Variants in WDR11 observed in about 807,000 individuals in gnomAD.
The protein encoded by WDR11 is WD repeat-containing protein 11.
A neutral mutation model predicts 151.2 loss-of-function variants in WDR11; 83 were observed. The ratio of observed to expected loss-of-function variants is 0.55; its 90% confidence interval spans 0.46 to 0.66. WDR11 has a LOEUF of 0.66. Among genes scored for constraint, WDR11 ranks in the 30% least tolerant of loss-of-function variants. The probability of loss-of-function intolerance (pLI) is 0.00; values close to 1 mark genes in which losing one functional copy is unlikely to be tolerated. For synonymous variants in WDR11, 484 were observed against 533.1 expected, an observed-to-expected ratio of 0.91 and a Z score of 1.27; for missense variants, 1,301 against 1,480.9, an observed-to-expected ratio of 0.88 and a Z score of 1.99.
At chr10:120,905,095 CTCTCCCTACTTAT>C (rs1470517876) in intron 25 of WDR11, among the ~76,000 whole-genome samples, 3 of 152,166 alleles carry the variant, frequency 2.0e-5, no homozygotes, top group Non-Finnish European at 4.4e-5. Flanking sequence ...GAGAACTATG[CTCTCCCTACTTAT>C]TCTCCAGACT....
At position 120,871,126 on chromosome 10, in the gene WDR11, C is replaced by G. The variant is rs560493196; in HGVS notation, c.1295-44C>G. 3.8e-6 allele frequency: 6 copies of G among 1,594,918 alleles called. No homozygotes were observed. In the African/African-American group the frequency reaches 8.1e-5, roughly 21 times the overall value. On this transcript the variant is annotated intron_variant, in intron 9 of 28. Coordinates refer to ENST00000263461, the MANE Select transcript of WDR11 (RefSeq NM_018117.12). ...ATTTTCTTTAGCTTTTTAAGATCAG[C>G]ATACACTGTAGTTAATATATTTGTT... is the stretch of plus-strand genomic sequence containing the variant.
intron 27 of WDR11, 172 bp downstream of exon 27, chr10:120,906,193 T>G: frequency 6.6e-7 from 1 of 1,506,046 alleles, no homozygotes; most frequent in South Asian, 1.3e-5. Flanking sequence ...ATTCATTACA[T>G]CTTCATTCGG....
At chr10:120,898,742 T>C (rs1377766441) in intron 19 of WDR11, among the ~76,000 whole-genome samples, 1 of 152,188 alleles carries the variant, frequency 6.6e-6, no homozygotes, top group Non-Finnish European at 1.5e-5. Context: ...AAGATGTGCC[T>C]TGCTTCCCCT....
chr10:120,865,641 CT>C lies in WDR11; in HGVS notation c.894del (p.Gln299SerfsTer14). 6.2e-7 allele frequency: 1 copy of C among 1,608,000 alleles called. No individual in the cohort carries two copies. Among genetic ancestry groups the C allele is most frequent in the Non-Finnish European group, 8.5e-7 (1 of 1,176,936 alleles). ...TCATCTATTTAAAGGTAATACCCTGCTTTCAGCGTGATGGTTTATTTTGTCT... is the reference window on the plus strand; with the variant it reads ...TCATCTATTTAAAGGTAATACCCTGCTTCAGCGTGATGGTTTATTTTGTCT... ...GVPFLQVIPC[F>X]QRDGLFCLHE... On this transcript the variant is annotated frameshift_variant, in exon 7 of 29. Transcript: ENST00000263461. LOFTEE classifies it high-confidence loss of function.
chr10:120,851,837 C>T (rs1268537164), intron 1 of WDR11: 1 of 448,116 alleles, frequency 2.2e-6, no homozygotes, highest in East Asian at 4.5e-5. Context: ...CCATTAATTC[C>T]CTGTGCACTT....
Position 120,883,893 on chromosome 10 carries a change from G to C in WDR11, c.1848+5G>C. 6.2e-7 allele frequency: 1 copy of C among 1,606,550 alleles called. No individual in the cohort carries two copies. The highest frequency in any genetic ancestry group is 8.5e-7 in the Non-Finnish European group (1 of 1,173,604). On this transcript the variant is annotated splice_donor_5th_base_variant and intron_variant, in intron 14 of 28. Transcript: ENST00000263461. ...TTCCCTACAATAACTGCTTTGGTAAGTTACAATTTAAGAATTTAATAGCTT... is the reference window on the plus strand; with the variant it reads ...TTCCCTACAATAACTGCTTTGGTAACTTACAATTTAAGAATTTAATAGCTT...
intron 2 of WDR11, 101 bp downstream of exon 2, chr10:120,852,736 A>G (rs1423888730): frequency 1.1e-5 from 11 of 1,011,662 alleles, no homozygotes; most frequent in Admixed American, 2.0e-5. Context: ...AGTGTTGAAT[A>G]GCTTTTAAAT....
intron 10 of WDR11, among the ~76,000 whole-genome samples, chr10:120,872,823 G>A (rs552531133): frequency 2.6e-5 from 4 of 152,262 alleles, no homozygotes; most frequent in East Asian, 1.9e-4. Context: ...ACTGTACAAT[G>A]TGTTTTTCTA....
At chr10:120,870,683 A>G (rs774957802) in intron 9 of WDR11, among the ~76,000 whole-genome samples, 2 of 152,214 alleles carry the variant, frequency 1.3e-5, no homozygotes, top group Non-Finnish European at 2.9e-5. Context: ...GTTTCTTATT[A>G]GAAATTATGA....
intron 21 of WDR11, 95 bp from the exon 22 acceptor site, chr10:120,902,162 G>A (rs1453867477): frequency 3.0e-6 from 3 of 1,013,776 alleles, no homozygotes; most frequent in African/African-American, 1.6e-5. Flanking sequence ...TTATTTGACT[G>A]GAATTTTTCA....
chr10:120,877,780 A>T (rs1846848083), intron 11 of WDR11, among the ~76,000 whole-genome samples: 1 of 152,234 alleles, frequency 6.6e-6, no homozygotes, highest in South Asian at 2.1e-4. Context: ...TTAAAAAATC[A>T]TAATCTAAAG....
intron 14 of WDR11, among the ~76,000 whole-genome samples, chr10:120,885,502 G>A (rs1327085103): frequency 2.0e-5 from 3 of 152,050 alleles, no homozygotes; most frequent in African/African-American, 2.4e-5. Flanking sequence ...TTGTCTTATC[G>A]TGTGCACATA....
intron 22 of WDR11, among the ~76,000 whole-genome samples, chr10:120,902,752 T>C (rs982256869): frequency 6.6e-5 from 10 of 151,344 alleles, no homozygotes; most frequent in African/African-American, 2.5e-4. Flanking sequence ...TTCTTCCTAA[T>C]GTGAATCAAT....
At position 120,901,510 on chromosome 10, in the gene WDR11, C is replaced by T. The variant is rs553195655; in HGVS notation, c.2687+412C>T. 3.2e-4 allele frequency among the ~76,000 whole-genome samples: 49 copies of T among 152,260 alleles called. No homozygotes were observed. The South Asian group carries it at 9.9e-3, about 31-fold the overall frequency. On this transcript the variant is annotated intron_variant, in intron 21 of 28. Transcript: ENST00000263461. ...TCTCTGTGTCAGGTGCTGGTGTGCACAGGTCTGGCTAAGAAATTAATGTGC... is the reference window on the plus strand; with the variant it reads ...TCTCTGTGTCAGGTGCTGGTGTGCATAGGTCTGGCTAAGAAATTAATGTGC...
chr10:120,894,978 C>A (rs1349007320), intron 19 of WDR11, among the ~76,000 whole-genome samples: 2 of 152,116 alleles, frequency 1.3e-5, no homozygotes. Flanking sequence ...GGGATGCTGT[C>A]AACAATATTT....
At chr10:120,882,372 A>G (rs10886793) in intron 13 of WDR11, among the ~76,000 whole-genome samples, 47,051 of 151,660 alleles carry the variant, frequency 0.31, 7,582 homozygotes, top group East Asian at 0.42. Context: ...TTTTGGTATC[A>G]GGGTAATACT....
intron 28 of WDR11, chr10:120,908,202 A>G: frequency 3.7e-6 from 1 of 273,176 alleles, no homozygotes; most frequent in Non-Finnish European, 7.1e-6. Flanking sequence ...AGACTTTCAA[A>G]TGGAATGAGG....
At chr10:120,892,325 C>G (rs1159179297) in intron 19 of WDR11, among the ~76,000 whole-genome samples, 1 of 152,234 alleles carries the variant, frequency 6.6e-6, no homozygotes, top group East Asian at 1.9e-4. Flanking sequence ...TTTTCAATCT[C>G]TAATGTTACA....
intron 18 of WDR11, among the ~76,000 whole-genome samples, chr10:120,890,243 A>G (rs187806448): frequency 1.3e-3 from 203 of 151,566 alleles, no homozygotes; most frequent in African/African-American, 4.8e-3. Flanking sequence ...ATGGAGTTTC[A>G]CTCTTGTCGC....
Sources: gnomAD v4.1 joint callset for allele counts (sites outside exome capture counted in the v4.1 genomes callset) on GRCh38, gnomAD v4.1.1 for gene constraint, MANE v1.5 for transcripts, NCBI Gene and HGNC (gene_info 2026-07-23, HGNC 2026-07-21) for gene names.